The following SRMS variants were observed in gnomAD, a reference collection of about 807,000 sequenced individuals.
SRMS encodes the protein tyrosine-protein kinase Srms.
A neutral mutation model predicts 43.5 loss-of-function variants in SRMS; 42 were observed. The ratio of observed to expected loss-of-function variants is 0.97; its 90% CI spans 0.75 to 1.25. The LOEUF (loss-of-function observed/expected upper bound fraction) is 1.25, where lower values mean the gene tolerates loss of function less well. SRMS is among the 50% of genes most tolerant of loss of function. The probability of loss-of-function intolerance (pLI) is 0.00; values close to 1 mark genes in which losing one functional copy is unlikely to be tolerated. For synonymous variants in SRMS, 316 were observed against 308.2 expected, an observed-to-expected ratio of 1.03 and a Z score of -0.27; for missense variants, 703 against 681.0, an observed-to-expected ratio of 1.03 and a Z score of -0.36.
At chr20:63,543,136 C>T (rs371914742) in intron 3 of SRMS, among the ~76,000 whole-genome samples, 178 bp downstream of exon 3, 32 of 152,366 alleles carry the variant, frequency 2.1e-4, no homozygotes, top group African/African-American at 7.2e-4. Flanking sequence ...CAGAGGCACC[C>T]GCAGAGAGCA....
rs138359327 is a variant in SRMS at position 63,541,196 on chromosome 20, T to A, written c.1280A>T (p.Tyr427Phe). The change falls in exon 7 of 8, where the codon TAT (tyrosine) becomes TTT (phenylalanine). Residue 427 changes from tyrosine to phenylalanine, a missense_variant. Physicochemically the swap from Tyr to Phe is conservative, Grantham distance 22. Coordinates refer to ENST00000217188, the MANE Select transcript of SRMS (RefSeq NM_080823.4). ...HEVFTYGQCP[Y>F]EGMTNHETLQ... is the part of the protein sequence containing the mutation. ...CTGGCTGCCTGGGGACCCACCTTCA[T>A]AGGGACACTGGCCATAGGTGAAAAC... The A allele has an allele frequency of 6.4e-7, 1 of 1,556,508 alleles. No homozygotes were observed. Among genetic ancestry groups the A allele is most frequent in the South Asian group, 1.2e-5 (1 of 82,628 alleles).
At chr20:63,543,599 C>T (rs1398353215) in intron 2 of SRMS, 119 bp from the exon 3 acceptor site, 3 of 1,253,952 alleles carry the variant, frequency 2.4e-6, no homozygotes, top group Non-Finnish European at 3.3e-6. Context: ...AGCTGGGGAC[C>T]CTGAGATGGT....
Position 63,542,188 on chromosome 20 carries a change from C to G in SRMS, c.921G>C (p.Lys307Asn), listed in dbSNP as rs34412104. 3.3e-5 allele frequency: 53 copies of G among 1,610,844 alleles called. No individual in the cohort carries two copies. Among genetic ancestry groups the G allele is most frequent in the Non-Finnish European group, 4.4e-5 (52 of 1,178,504 alleles). Residue 307 changes from lysine (K) to asparagine (N), a missense_variant, in exon 5 of 8, where the codon AAG (lysine) becomes AAC (asparagine). Lys to Asn is a moderately conservative substitution (Grantham distance 94). Transcript: ENST00000217188. ...PVYIVTELMR[K>N]GNLQAFLGTP... ...TGCCCAGGAAGGCCTGCAGGTTCCC[C>G]TTGCGCATGAGTTCCGTGACGATGT... is the stretch of plus-strand genomic sequence containing the variant.
At chr20:63,543,199 C>T (rs532189231) in intron 3 of SRMS, 115 bp downstream of exon 3, 1 of 1,314,478 alleles carries the variant, frequency 7.6e-7, no homozygotes, top group East Asian at 2.3e-5. Context: ...TGGGCAGGGC[C>T]CTGGAGCTGC....
In SRMS at chr20:63,547,214, C is replaced by G. The variant is rs1016972774; in HGVS notation, c.250G>C (p.Gly84Arg). 1.2e-6 allele frequency: 2 copies of G among 1,612,298 alleles called. No homozygotes were observed. Among genetic ancestry groups the G allele is most frequent in the Admixed American group, 1.7e-5 (1 of 59,960 alleles). Residue 84 changes from glycine to arginine, a missense_variant, in exon 1 of 8, where the codon GGG becomes CGG. Gly to Arg is a moderately radical substitution (Grantham distance 125). Coordinates refer to ENST00000217188, the MANE Select transcript of SRMS (RefSeq NM_080823.4). ...RGDRLCALEE[G>R]GGYIFARRLS... The stretch of plus-strand genomic sequence containing the variant: ...CTGCGTGCGAAGATGTAGCCGCCCC[C>G]CTCTTCGAGGGCACAGAGCCTGTCC...
At chr20:63,543,736 G>T in intron 2 of SRMS, 1 of 494,890 alleles carries the variant, frequency 2.0e-6, no homozygotes, top group Non-Finnish European at 3.6e-6. Flanking sequence ...CTTGTAGAAT[G>T]AATGAGTCCA....
At position 63,538,848 on chromosome 20, in the gene SRMS, T is replaced by A. The variant is rs749950849; in HGVS notation, c.*1970A>T. ...CCTCGAGTATCCCTGAGTTCGGACG[T>A]GCAGGACTTTCAGTCTAAGCCACAC... On this transcript the variant is annotated 3_prime_UTR_variant, in exon 8 of 8. Coordinates refer to ENST00000217188, the MANE Select transcript of SRMS (RefSeq NM_080823.4). Among the ~76,000 whole-genome samples, 6 of 152,058 alleles carry A rather than the reference T, an allele frequency of 3.9e-5. No homozygotes were observed. Among genetic ancestry groups the A allele is most frequent in the Non-Finnish European group, 7.4e-5 (5 of 67,976 alleles).
Position 63,540,780 on chromosome 20 carries a change from G to C in SRMS, c.*38C>G, listed in dbSNP as rs750566673. On this transcript the variant is annotated 3_prime_UTR_variant, in exon 8 of 8. Coordinates refer to ENST00000217188, the MANE Select transcript of SRMS (RefSeq NM_080823.4). ...GGCGCTCTGCAGGGAGGAGGGGCTGGCCTGGCTGGAGCCCAGAGCGTTGGG... is the reference window on the plus strand; with the variant it reads ...GGCGCTCTGCAGGGAGGAGGGGCTGCCCTGGCTGGAGCCCAGAGCGTTGGG... The C allele has an allele frequency of 1.3e-6, 2 of 1,556,832 alleles. No individual in the cohort carries two copies. Among genetic ancestry groups the C allele is most frequent in the Non-Finnish European group, 1.7e-6 (2 of 1,152,822 alleles).
Position 63,543,425 on chromosome 20 carries a change from G to A in SRMS, c.534C>T (p.Ser178=), listed in dbSNP as rs534594517. The A allele has an allele frequency of 1.0e-4, 162 of 1,612,694 alleles. No homozygotes were observed. The highest frequency in any genetic ancestry group is 4.4e-5 in the South Asian group (4 of 91,092). Residue 178 remains serine (S), a synonymous_variant, in exon 3 of 8, where the codon AGC becomes AGT. Transcript: ENST00000217188. The part of the protein sequence containing the change: ...HYRVSMAADG[S]LYLQKGRLFP... ...AGAGCCGTCCCTTCTGCAGGTAGAG[G>A]CTGCCATCAGCTGCCATGGAGACCC...
intron 3 of SRMS, 39 bp downstream of exon 3, chr20:63,543,263 AGGGCCATGCCTC>A: frequency 6.3e-7 from 1 of 1,596,284 alleles, no homozygotes; most frequent in Non-Finnish European, 8.5e-7. Flanking sequence ...CACCTAGAAC[AGGGCCATGCCTC>A]GGGCCCAGCA....
chr20:63,547,488 C>T lies in SRMS; in HGVS notation c.-25G>A, dbSNP rs376972729. Reference sequence around the variant, plus strand: ...TCCCCCGGGGTCACCACGCTGGGCCCGAGGGCCATGGGAGCCCGCGAGCCC... The same window carrying T: ...TCCCCCGGGGTCACCACGCTGGGCCTGAGGGCCATGGGAGCCCGCGAGCCC... On this transcript the variant is annotated 5_prime_UTR_variant, in exon 1 of 8. Transcript: ENST00000217188. 1.9e-4 allele frequency: 274 copies of T among 1,453,356 alleles called. 1 individual carries two copies. Among genetic ancestry groups the T allele is most frequent in the African/African-American group, 1.2e-3 (80 of 69,060 alleles). The allele number at this position is 1,453,356 out of a possible 1,614,324, so 90.0% of individuals were successfully genotyped here.
chr20:63,539,598 A>G lies in SRMS; in HGVS notation c.*1220T>C, dbSNP rs1323664737. Among the ~76,000 whole-genome samples, 1 of 152,114 alleles carries G rather than the reference A, an allele frequency of 6.6e-6. No individual in the cohort carries two copies. Among genetic ancestry groups the G allele is most frequent in the African/African-American group, 2.4e-5 (1 of 41,428 alleles). ...TCTCCGGGGGCCACAAACAGACCCCACCGGCCCCCTTGCTTCTTGACGTGT... is the reference window on the plus strand; with the variant it reads ...TCTCCGGGGGCCACAAACAGACCCCGCCGGCCCCCTTGCTTCTTGACGTGT... On this transcript the variant is annotated 3_prime_UTR_variant, in exon 8 of 8. Coordinates refer to ENST00000217188, the MANE Select transcript of SRMS (RefSeq NM_080823.4).
At chr20:63,546,987 A>C (rs927211861) in intron 1 of SRMS, 121 bp downstream of exon 1, 1 of 938,740 alleles carries the variant, frequency 1.1e-6, no homozygotes. Context: ...GAATGCGTGG[A>C]TGAACGAATG....
Position 63,540,930 on chromosome 20 carries a change from G to T in SRMS, c.1355C>A (p.Pro452Gln), listed in dbSNP as rs8120713. The change falls in exon 8 of 8, where the codon CCG becomes CAG. Residue 452 changes from proline (P) to glutamine (Q), a missense_variant. Coordinates refer to ENST00000217188, the MANE Select transcript of SRMS (RefSeq NM_080823.4). Reference protein sequence around the residue: ...GYRLPRPAACPAEVYVLMLEC... With the variant: ...GYRLPRPAACQAEVYVLMLEC... ...CAGCATGAGCACGTAGACCTCCGCC[G>T]GGCAGGCAGCCGGGCGCGGCAGCCG... The T allele has an allele frequency of 1.2e-5, 19 of 1,606,816 alleles. No individual in the cohort carries two copies. Among genetic ancestry groups the T allele is most frequent in the African/African-American group, 5.3e-5 (4 of 74,878 alleles).
At chr20:63,546,526 A>G (rs1341251465) in intron 1 of SRMS, among the ~76,000 whole-genome samples, 1 of 148,484 alleles carries the variant, frequency 6.7e-6, no homozygotes, top group Non-Finnish European at 1.5e-5. Flanking sequence ...CTCAGCCCCC[A>G]GTCCCAGCCC....
chr20:63,540,692 G>C lies in SRMS; in HGVS notation c.*126C>G, dbSNP rs535434960. 10 of 1,241,912 alleles carry C rather than the reference G, an allele frequency of 8.1e-6. No homozygotes were observed. In the African/African-American group the frequency reaches 1.4e-4, roughly 17 times the overall value. The allele number at this position is 1,241,912 out of a possible 1,614,324, so 76.9% of individuals were successfully genotyped here. A position where few individuals can be genotyped will look rare whatever the true frequency, so the allele number is the denominator to read the frequency against. ...GCCTGGTGCACGAACATGTGTGCAC[G>C]CCAGGGCCTGAGGCCCACAGCCAGA... On this transcript the variant is annotated 3_prime_UTR_variant, in exon 8 of 8. Transcript: ENST00000217188.
At chr20:63,545,590 CGG>C (rs1350091353) in intron 1 of SRMS, among the ~76,000 whole-genome samples, 4 of 152,196 alleles carry the variant, frequency 2.6e-5, no homozygotes, top group African/African-American at 4.8e-5. Flanking sequence ...ACCCCTGCCC[CGG>C]TGACCTAGGG....
chr20:63,541,531 C>A lies in SRMS; in HGVS notation c.1036G>T (p.Val346Phe). ...EGMSYLEEQRVVHRDLAARNV... is the reference protein window; with the variant it reads ...EGMSYLEEQRFVHRDLAARNV... ...CGGGCGGCCAAGTCCCGGTGCACAACGCGCTGCTCCTCCAGGTAGCTCATG... is the reference window on the plus strand; with the variant it reads ...CGGGCGGCCAAGTCCCGGTGCACAAAGCGCTGCTCCTCCAGGTAGCTCATG... Residue 346 changes from valine (V) to phenylalanine (F), a missense_variant, in exon 6 of 8, where the codon GTT (valine) becomes TTT (phenylalanine). Physicochemically the swap from Val to Phe is conservative, Grantham distance 50 (BLOSUM62 -1). Coordinates refer to ENST00000217188, the MANE Select transcript of SRMS (RefSeq NM_080823.4). 1.9e-6 allele frequency: 3 copies of A among 1,598,040 alleles called. No individual in the cohort carries two copies. The highest frequency in any genetic ancestry group is 2.6e-6 in the Non-Finnish European group (3 of 1,174,126).
At position 63,540,325 on chromosome 20, in the gene SRMS, T is replaced by C. The variant is rs1370956936; in HGVS notation, c.*493A>G. On this transcript the variant is annotated 3_prime_UTR_variant, in exon 8 of 8. Transcript: ENST00000217188. ...CATTTCCACAAACCCAAGCTGGGAC[T>C]AGGGAGAGAACTGGGCCTTTGGCTC... Among the ~76,000 whole-genome samples the C allele has an allele frequency of 1.3e-5, 2 of 152,118 alleles. No homozygotes were observed. Among genetic ancestry groups the C allele is most frequent in the Non-Finnish European group, 2.9e-5 (2 of 68,018 alleles).
Sources: allele counts gnomAD v4.1 joint callset (sites outside exome capture counted in the v4.1 genomes callset), GRCh38; gene constraint gnomAD v4.1.1; transcripts MANE v1.5; gene names NCBI Gene and HGNC (gene_info 2026-07-23, HGNC 2026-07-21).